Variants in UGP2 observed in about 807,000 individuals in gnomAD.
The protein encoded by UGP2 is UTP--glucose-1-phosphate uridylyltransferase.
UGP2 carries 40 observed loss-of-function variants against 49.0 expected under a neutral mutation model. That is an observed-to-expected ratio of 0.82 (90% CI 0.63 to 1.06). The LOEUF (loss-of-function observed/expected upper bound fraction) is 1.06. UGP2 is among the 50% of genes least tolerant of loss of function. The probability of loss-of-function intolerance (pLI) is 0.00; values close to 1 mark genes in which losing one functional copy is unlikely to be tolerated. For synonymous variants in UGP2, 225 were observed against 213.0 expected, an observed-to-expected ratio of 1.06 and a Z score of -0.49; for missense variants, 460 against 603.5, an observed-to-expected ratio of 0.76 and a Z score of 2.49.
At chr2:63,860,496 C>G (rs1217324919) in intron 3 of UGP2, among the ~76,000 whole-genome samples, 1 of 152,202 alleles carries the variant, frequency 6.6e-6, no homozygotes, top group Non-Finnish European at 1.5e-5. Context: ...TATGTATTTT[C>G]AGAACATCTT....
At chr2:63,873,413 TAA>T (rs923634074) in intron 3 of UGP2, among the ~76,000 whole-genome samples, 12 of 152,214 alleles carry the variant, frequency 7.9e-5, no homozygotes, top group Admixed American at 3.3e-4. Flanking sequence ...CTTCTGTTAC[TAA>T]GATGAATTTT....
intron 9 of UGP2, 32 bp downstream of exon 9, chr2:63,890,217 A>G (rs1273127397): frequency 5.3e-6 from 8 of 1,509,454 alleles, no homozygotes; most frequent in Non-Finnish European, 7.3e-6. Context: ...TATATTTCTT[A>G]CAGCTTACAA....
At chr2:63,856,499 CTGCCGGTGATGATGATAA>C (rs1669439505) in intron 2 of UGP2, 66 bp downstream of exon 2, 1 of 1,430,352 alleles carries the variant, frequency 7.0e-7, no homozygotes, top group African/African-American at 1.5e-5. Flanking sequence ...TGCTGAGTTG[CTGCCGGTGATGATGATAA>C]TCATCACCTC....
At chr2:63,886,978 A>T (rs528957147) in intron 7 of UGP2, among the ~76,000 whole-genome samples, 2 of 152,146 alleles carry the variant, frequency 1.3e-5, no homozygotes, top group Non-Finnish European at 2.9e-5. Flanking sequence ...CAGTTCTCAA[A>T]ATTATTTTTC....
chr2:63,856,427 A>ATT lies in UGP2; in HGVS notation c.143_144dup (p.Glu49LeufsTer45). The ATT allele has an allele frequency of 1.2e-6, 2 of 1,611,436 alleles. No individual in the cohort carries two copies. The highest frequency in any genetic ancestry group is 1.7e-6 in the Non-Finnish European group (2 of 1,179,882). On this transcript the variant is annotated frameshift_variant, in exon 2 of 10. Coordinates refer to ENST00000337130, the MANE Select transcript of UGP2 (RefSeq NM_006759.4). LOFTEE classifies it high-confidence loss of function. Reference sequence around the variant, plus strand: ...TACTCACCACAGCATCATCACATGAATTTGAGGTAAGGAGGTTTCTACAGT... The same window carrying ATT: ...TACTCACCACAGCATCATCACATGAATTTTTGAGGTAAGGAGGTTTCTACAGT...
intron 3 of UGP2, among the ~76,000 whole-genome samples, chr2:63,879,923 A>G (rs1184900547): frequency 2.6e-5 from 4 of 152,192 alleles, no homozygotes; most frequent in Non-Finnish European, 4.4e-5. Flanking sequence ...TGCATGAACT[A>G]GGAGTTTTCG....
Position 63,887,581 on chromosome 2 carries a change from A to C in UGP2, c.1251A>C (p.Thr417=). ...NLYSLNAGSL[T]MSEKREFPTV... is the part of the protein sequence containing the mutation. ...ATAGTCTTAATGCAGGATCTCTGAC[A>C]ATGAGTGAAAAGCGGGAATTTCCTA... is the stretch of plus-strand genomic sequence containing the variant. Residue 417 remains threonine (T), a synonymous_variant, in exon 8 of 10, where the codon ACA becomes ACC. Transcript: ENST00000337130. 1 of 1,614,166 alleles carries C rather than the reference A, an allele frequency of 6.2e-7. No individual in the cohort carries two copies. Among genetic ancestry groups the C allele is most frequent in the Non-Finnish European group, 8.5e-7 (1 of 1,180,018 alleles).
chr2:63,858,210 C>T (rs6715992), intron 3 of UGP2, among the ~76,000 whole-genome samples: 125,857 of 152,160 alleles, frequency 0.83, 52,171 homozygotes, highest in East Asian at 0.92. Flanking sequence ...TTTTGCAAAG[C>T]ACTAAATATC....
intron 1 of UGP2, among the ~76,000 whole-genome samples, chr2:63,843,689 A>G (rs1671734913): frequency 6.6e-6 from 1 of 152,196 alleles, no homozygotes; most frequent in Non-Finnish European, 1.5e-5. Flanking sequence ...TTACTTTGTC[A>G]TCCACTTTTT....
At chr2:63,842,470 C>T (rs760720585) in intron 1 of UGP2, 1 of 1,539,942 alleles carries the variant, frequency 6.5e-7, no homozygotes, top group Non-Finnish European at 8.7e-7. Flanking sequence ...TGGATAGTGG[C>T]TGTAAGTGAT....
At position 63,891,247 on chromosome 2, in the gene UGP2, A is replaced by C. The variant is rs756739763; in HGVS notation, c.*20A>C. 1.3e-6 allele frequency: 2 copies of C among 1,580,804 alleles called. No individual in the cohort carries two copies. Among genetic ancestry groups the C allele is most frequent in the Non-Finnish European group, 1.7e-6 (2 of 1,151,822 alleles). Reference sequence around the variant, plus strand: ...CACTGAAATGAAAAATACTGTGGACACTTAAATAATGGGCTAGTTTCTTAC... The same window carrying C: ...CACTGAAATGAAAAATACTGTGGACCCTTAAATAATGGGCTAGTTTCTTAC... On this transcript the variant is annotated 3_prime_UTR_variant, in exon 10 of 10. Coordinates refer to ENST00000337130, the MANE Select transcript of UGP2 (RefSeq NM_006759.4).
intron 3 of UGP2, among the ~76,000 whole-genome samples, chr2:63,858,890 C>G (rs1429235130): frequency 7.5e-6 from 1 of 133,076 alleles, no homozygotes; most frequent in Non-Finnish European, 1.6e-5. Flanking sequence ...ACCCCCCCGC[C>G]CCCCCGAAAC....
chr2:63,851,445 T>C (rs1446772983), intron 1 of UGP2, among the ~76,000 whole-genome samples: 1 of 152,194 alleles, frequency 6.6e-6, no homozygotes, highest in Non-Finnish European at 1.5e-5. Flanking sequence ...AAAGGCCTCT[T>C]GGAATGTTCA....
rs1239041951 is a variant in UGP2, at chr2:63,857,924, C to T, written c.243C>T (p.Pro81=). ...PSVDWGKIQR[P]PEDSIQPYEK... ...TGGATTGGGGAAAAATCCAGAGACC[C>T]CCTGAAGATTCGGTAAGTTTTAGAT... The change falls in exon 3 of 10, where the codon CCC becomes CCT. Residue 81 remains proline (P), a synonymous_variant. Transcript: ENST00000337130. 19 of 1,613,288 alleles carry T rather than the reference C, an allele frequency of 1.2e-5. 1 individual carries two copies. Among genetic ancestry groups the T allele is most frequent in the Non-Finnish European group, 1.2e-5 (14 of 1,179,724 alleles).
chr2:63,848,258 T>C (rs1465423518), intron 1 of UGP2, among the ~76,000 whole-genome samples: 1 of 152,270 alleles, frequency 6.6e-6, no homozygotes, highest in Non-Finnish European at 1.5e-5. Context: ...TATCATATTT[T>C]GAACTTGGAG....
chr2:63,889,909 T>A (rs1157162912), intron 8 of UGP2, 172 bp from the exon 9 acceptor site: 1 of 560,100 alleles, frequency 1.8e-6, no homozygotes, highest in Non-Finnish European at 3.1e-6. Flanking sequence ...TGGTCTTTCC[T>A]GCACGGCATT....
chr2:63,859,003 C>CTT (rs1400050164), intron 3 of UGP2, among the ~76,000 whole-genome samples: 1 of 135,156 alleles, frequency 7.4e-6, no homozygotes, highest in Admixed American at 7.8e-5. Context: ...TTTCTTTTTT[C>CTT]TTTTTTTTTT....
Position 63,886,369 on chromosome 2 carries a change from A to G in UGP2, c.902A>G (p.Lys301Arg). 1 of 1,614,206 alleles carries G rather than the reference A, an allele frequency of 6.2e-7. No homozygotes were observed. The highest frequency in any genetic ancestry group is 1.1e-5 in the South Asian group (1 of 91,086). ...KGGTLTQYEG[K>R]LRLVEIAQVP... ...GGGACACTCACTCAATATGAAGGCA[A>G]ACTGAGACTGGTGGAAATTGCTCAA... Residue 301 changes from lysine to arginine, a missense_variant, in exon 7 of 10, where the codon AAA (lysine) becomes AGA (arginine). Coordinates refer to ENST00000337130, the MANE Select transcript of UGP2 (RefSeq NM_006759.4).
chr2:63,874,802 C>T (rs534139927), intron 3 of UGP2, among the ~76,000 whole-genome samples: 1 of 151,844 alleles, frequency 6.6e-6, no homozygotes, highest in South Asian at 2.1e-4. Flanking sequence ...TGGTACCTCC[C>T]TCCCTTTTTT....
Sources: gnomAD v4.1 joint callset for allele counts (sites outside exome capture counted in the v4.1 genomes callset) on GRCh38, gnomAD v4.1.1 for gene constraint, MANE v1.5 for transcripts, NCBI Gene and HGNC (gene_info 2026-07-23, HGNC 2026-07-21) for gene names.